The following FRMD3 variants were observed in gnomAD, a reference collection of about 807,000 sequenced individuals.
The protein encoded by FRMD3 is FERM domain-containing protein 3.
Under a neutral mutation model 70.2 loss-of-function variants are expected in FRMD3, and 33 were observed. That is an observed-to-expected ratio of 0.47 (90% CI 0.36 to 0.63). The LOEUF (loss-of-function observed/expected upper bound fraction) is 0.63. Ranked by LOEUF, FRMD3 falls within the 20% of genes least tolerant of loss-of-function variation. FRMD3 has a pLI of 0.00. For synonymous variants in FRMD3, 279 were observed against 255.9 expected (o/e 1.09, Z -0.86); for missense variants, 632 against 711.4 (o/e 0.89, Z 1.27).
intron 1 of FRMD3, among the ~76,000 whole-genome samples, chr9:83,475,973 C>T (rs185272404): frequency 2.0e-5 from 3 of 152,276 alleles, no homozygotes; most frequent in East Asian, 3.9e-4. Flanking sequence ...CTACAGTGGG[C>T]TATTTATTCA....
intron 1 of FRMD3, among the ~76,000 whole-genome samples, chr9:83,457,814 CTA>C (rs1190695561): frequency 6.6e-6 from 1 of 152,024 alleles, no homozygotes; most frequent in Non-Finnish European, 1.5e-5. Context: ...AAAATTGTAA[CTA>C]TGTGAGATGA....
intron 1 of FRMD3, among the ~76,000 whole-genome samples, chr9:83,535,525 A>T (rs564629561): frequency 1.6e-4 from 25 of 152,300 alleles, no homozygotes; most frequent in African/African-American, 5.8e-4. Context: ...GAGCCTCTAG[A>T]TCAAGCTCAT....
At chr9:83,292,760 C>G (rs7039947) in intron 12 of FRMD3, among the ~76,000 whole-genome samples, 84,231 of 151,950 alleles carry the variant, frequency 0.55, 25,422 homozygotes, top group South Asian at 0.79. Flanking sequence ...TGATTCTCCT[C>G]CCTCAGCCTC....
At chr9:83,528,900 T>C (rs1486143756) in intron 1 of FRMD3, among the ~76,000 whole-genome samples, 2 of 152,206 alleles carry the variant, frequency 1.3e-5, no homozygotes, top group Non-Finnish European at 2.9e-5. Context: ...ATATTATATA[T>C]AGACAGAATT....
In FRMD3 at chr9:83,519,163, G is replaced by T. The variant is rs182724770; in HGVS notation, c.147+18922C>A. 1.6e-3 allele frequency among the ~76,000 whole-genome samples: 239 copies of T among 152,240 alleles called. 1 individual carries two copies. The highest frequency in any genetic ancestry group is 5.6e-3 in the African/African-American group (231 of 41,538). ...AAATGGGATCTAGTTAAACTAAAGC[G>T]CTTCTGCATAGCAAAAGAAACTATC... is the stretch of plus-strand genomic sequence containing the variant. On this transcript the variant is annotated intron_variant, in intron 1 of 13. Transcript: ENST00000304195.
intron 1 of FRMD3, among the ~76,000 whole-genome samples, chr9:83,480,440 G>GT (rs1339210591): frequency 9.9e-5 from 15 of 151,306 alleles, no homozygotes; most frequent in Admixed American, 4.6e-4. Flanking sequence ...AAAATACAGT[G>GT]TAACAGCTAT....
intron 13 of FRMD3, among the ~76,000 whole-genome samples, chr9:83,277,933 G>A (rs1239794709): frequency 6.6e-6 from 1 of 152,198 alleles, no homozygotes; most frequent in African/African-American, 2.4e-5. Flanking sequence ...TGGAGCTGGT[G>A]TTTTAGTTAG....
intron 1 of FRMD3, among the ~76,000 whole-genome samples, chr9:83,532,461 A>T (rs1255925410): frequency 6.6e-6 from 1 of 152,234 alleles, no homozygotes; most frequent in Non-Finnish European, 1.5e-5. Flanking sequence ...TTGTTCTAGA[A>T]TTTGATCATA....
rs147832770 is a variant in FRMD3 at position 83,359,483 on chromosome 9, G to C, written c.296-9726C>G. Among the ~76,000 whole-genome samples, 839 of 152,174 alleles carry C rather than the reference G, an allele frequency of 5.5e-3. 4 individuals carry two copies. The highest frequency in any genetic ancestry group is 9.7e-3 in the Non-Finnish European group (662 of 68,000). ...ATAATGGAACCAACCACAGAGAGCA[G>C]GGCATCAAACTTTCTCTGTAAAGGG... On this transcript the variant is annotated intron_variant, in intron 3 of 13. Transcript: ENST00000304195.
intron 1 of FRMD3, among the ~76,000 whole-genome samples, chr9:83,490,180 C>T (rs1280510271): frequency 2.0e-5 from 3 of 152,172 alleles, no homozygotes; most frequent in African/African-American, 7.2e-5. Flanking sequence ...AGCCCTAGAC[C>T]ATTAGCAAAA....
chr9:83,480,674 T>G (rs1828547712), intron 1 of FRMD3, among the ~76,000 whole-genome samples: 1 of 152,126 alleles, frequency 6.6e-6, no homozygotes, highest in Non-Finnish European at 1.5e-5. Flanking sequence ...TCTGTCTTTT[T>G]AGTAGAGACA....
At chr9:83,352,485 C>T (rs1414024022) in intron 3 of FRMD3, among the ~76,000 whole-genome samples, 2 of 152,144 alleles carry the variant, frequency 1.3e-5, no homozygotes, top group Non-Finnish European at 1.5e-5. Flanking sequence ...AGAACTGCTC[C>T]CCAGTGCTCT....
At chr9:83,288,557 A>G (rs1051094653) in intron 13 of FRMD3, among the ~76,000 whole-genome samples, 5 of 152,238 alleles carry the variant, frequency 3.3e-5, no homozygotes. Context: ...ATTTTATTAG[A>G]TATCGATAGA....
At chr9:83,410,859 T>C (rs1414916711) in intron 1 of FRMD3, among the ~76,000 whole-genome samples, 2 of 152,228 alleles carry the variant, frequency 1.3e-5, no homozygotes, top group African/African-American at 4.8e-5. Flanking sequence ...ACATATTTGC[T>C]CTGACTCGTC....
At chr9:83,489,766 A>C (rs1008030675) in intron 1 of FRMD3, among the ~76,000 whole-genome samples, 1 of 152,242 alleles carries the variant, frequency 6.6e-6, no homozygotes, top group Non-Finnish European at 1.5e-5. Flanking sequence ...TATCTGTAGA[A>C]AAAATCACGT....
chr9:83,341,792 C>T (rs1823766575), intron 5 of FRMD3, among the ~76,000 whole-genome samples: 2 of 152,114 alleles, frequency 1.3e-5, no homozygotes, highest in Admixed American at 6.5e-5. Context: ...AAGAACAACA[C>T]ACACACCCAT....
chr9:83,376,515 C>T (rs763277037), intron 2 of FRMD3, among the ~76,000 whole-genome samples: 67 of 152,044 alleles, frequency 4.4e-4, no homozygotes, highest in Non-Finnish European at 6.2e-4. Flanking sequence ...ACTAAGTCAC[C>T]CCAGAGAAAC....
rs17086111 is a variant in FRMD3 at position 83,246,846 on chromosome 9, A to C, written c.*1072T>G. On this transcript the variant is annotated 3_prime_UTR_variant, in exon 14 of 14. Coordinates refer to ENST00000304195, the MANE Select transcript of FRMD3 (RefSeq NM_174938.6). ...CAGCGACTGCACTGCTCTTCACATC[A>C]TCGAACGCTGGCATCACCATCACTT... The C allele has an allele frequency of 1.0e-6, 1 of 985,220 alleles. No homozygotes were observed. The highest frequency in any genetic ancestry group is 1.7e-5 in the African/African-American group (1 of 57,206). 61.0% of individuals were successfully genotyped at this position (985,220 alleles called of 1,614,324 possible).
intron 13 of FRMD3, among the ~76,000 whole-genome samples, chr9:83,259,811 T>C (rs1832902392): frequency 6.6e-6 from 1 of 152,132 alleles, no homozygotes; most frequent in Non-Finnish European, 1.5e-5. Context: ...AACTGAGTGA[T>C]CTAATGTTGA....
Sources: allele counts gnomAD v4.1 joint callset (sites outside exome capture counted in the v4.1 genomes callset), GRCh38; gene constraint gnomAD v4.1.1; transcripts MANE v1.5; gene names NCBI Gene and HGNC (gene_info 2026-07-23, HGNC 2026-07-21).